ST6GAL1: variants seen among roughly 807,000 people sequenced by gnomAD.
ST6GAL1 encodes beta-galactoside alpha-2,6-sialyltransferase 1.
ST6GAL1 carries 20 observed loss-of-function variants against 38.0 expected under a neutral mutation model. That is an observed-to-expected ratio of 0.53 (90% confidence interval 0.37 to 0.77). The LOEUF is 0.77. Among genes scored for constraint, ST6GAL1 ranks in the 30% least tolerant of loss-of-function variants. ST6GAL1 has a pLI of 0.00. For missense variants in ST6GAL1, 432 were observed against 496.4 expected (o/e 0.87, Z 1.23); for synonymous variants, 196 against 188.2 (o/e 1.04, Z -0.34).
chr3:187,048,880 A>ATTTTTTTTTTTTTTTTTTTT (rs374148828), intron 4 of ST6GAL1, among the ~76,000 whole-genome samples: 9 of 115,450 alleles, frequency 7.8e-5, no homozygotes, highest in African/African-American at 3.0e-4. Context: ...GAGAAATTGA[A>ATTTTTTTTTTTTTTTTTTTT]TTTTTTTTTT....
intron 2 of ST6GAL1, among the ~76,000 whole-genome samples, chr3:187,030,499 T>C (rs1052552124): frequency 6.6e-6 from 1 of 152,188 alleles, no homozygotes; most frequent in Non-Finnish European, 1.5e-5. Flanking sequence ...AGTGGTGCAA[T>C]CTCAGCTCAC....
chr3:187,044,772 A>G lies in ST6GAL1; in HGVS notation c.607+1462A>G, dbSNP rs77026373. ...TAATTAGAACTACAGCTTTAATTTT[A>G]TGCACTCCTTAAAGATTTGGGGTGA... On this transcript the variant is annotated intron_variant, in intron 4 of 7. Coordinates refer to ENST00000169298, the MANE Select transcript of ST6GAL1 (RefSeq NM_173216.2). Among the ~76,000 whole-genome samples the G allele has an allele frequency of 2.9e-3, 435 of 152,316 alleles. 3 individuals are homozygous for G. Among genetic ancestry groups the G allele is most frequent in the African/African-American group, 9.8e-3 (406 of 41,578 alleles).
At chr3:187,047,237 G>A (rs960683987) in intron 4 of ST6GAL1, among the ~76,000 whole-genome samples, 8 of 147,484 alleles carry the variant, frequency 5.4e-5, no homozygotes, top group Non-Finnish European at 8.9e-5. Flanking sequence ...GAGCCACCGC[G>A]CCCGGCCAAG....
At position 186,952,661 on chromosome 3, in the gene ST6GAL1, G is replaced by A. The variant is rs1714622342; in HGVS notation, c.-324-11124G>A. 6.6e-6 allele frequency among the ~76,000 whole-genome samples: 1 copy of A among 152,052 alleles called. No individual in the cohort carries two copies. The highest frequency in any genetic ancestry group is 2.4e-5 in the African/African-American group (1 of 41,410). ...TCACTGTGGAGTGCCTCTGGGAGTG[G>A]CCCTTGGACTTGGCCTCTTCTCTGT... On this transcript the variant is annotated intron_variant, in intron 1 of 7. Coordinates refer to ENST00000169298, the MANE Select transcript of ST6GAL1 (RefSeq NM_173216.2). The surrounding 1 kb of genome is among the most constrained non-coding windows in gnomAD (Gnocchi z 4.1).
At chr3:187,062,218 G>A (rs1289800769) in intron 5 of ST6GAL1, among the ~76,000 whole-genome samples, 3 of 152,140 alleles carry the variant, frequency 2.0e-5, no homozygotes, top group Non-Finnish European at 2.9e-5. Context: ...ATCGGAATCC[G>A]TGGGCACTGT....
At chr3:186,941,255 A>G (rs899683313) in intron 1 of ST6GAL1, among the ~76,000 whole-genome samples, 5 of 152,084 alleles carry the variant, frequency 3.3e-5, no homozygotes, top group African/African-American at 9.7e-5. Context: ...GTAGGGAGGG[A>G]GGAGAGAGAA....
intron 2 of ST6GAL1, among the ~76,000 whole-genome samples, chr3:187,030,779 T>C (rs1255307854): frequency 1.3e-5 from 2 of 152,152 alleles, no homozygotes; most frequent in Non-Finnish European, 2.9e-5. Flanking sequence ...TTCATTAACT[T>C]TAATATATTT....
intron 2 of ST6GAL1, among the ~76,000 whole-genome samples, chr3:187,028,424 A>G (rs1717620810): frequency 6.6e-6 from 1 of 152,218 alleles, no homozygotes; most frequent in Non-Finnish European, 1.5e-5. Context: ...GTCTTGTTAC[A>G]TAGCTTAATT....
chr3:187,075,751 T>C lies in ST6GAL1; in HGVS notation c.1169T>C (p.Ile390Thr). 1 of 1,614,228 alleles carries C rather than the reference T, an allele frequency of 6.2e-7. No homozygotes were observed. Among genetic ancestry groups the C allele is most frequent in the Non-Finnish European group, 8.5e-7 (1 of 1,180,038 alleles). Residue 390 changes from isoleucine to threonine, a missense_variant, in exon 8 of 8, where the codon ATC (isoleucine) becomes ACC (threonine). Coordinates refer to ENST00000169298, the MANE Select transcript of ST6GAL1 (RefSeq NM_173216.2). The surrounding 1 kb of genome is among the most constrained non-coding windows in gnomAD (Gnocchi z 4.1). ...KHLNQGTDED[I>T]YLLGKATLPG... ...CTCAACCAGGGCACAGATGAGGACA[T>C]CTACCTGCTTGGAAAAGCCACACTG...
At chr3:187,009,945 C>T (rs1164144125) in intron 2 of ST6GAL1, among the ~76,000 whole-genome samples, 1 of 152,052 alleles carries the variant, frequency 6.6e-6, no homozygotes, top group Non-Finnish European at 1.5e-5. Flanking sequence ...TCGGAGGTTG[C>T]GGTGAGCCGA....
At chr3:187,030,988 T>C (rs1579339092) in intron 2 of ST6GAL1, among the ~76,000 whole-genome samples, 1 of 152,136 alleles carries the variant, frequency 6.6e-6, no homozygotes, top group Admixed American at 6.5e-5. Context: ...TGGGGAGGGA[T>C]GGTGTCAGGA....
chr3:186,970,270 A>G (rs62292610), intron 2 of ST6GAL1, among the ~76,000 whole-genome samples: 12,609 of 146,276 alleles, frequency 0.086, 727 homozygotes, highest in Non-Finnish European at 0.12. Context: ...GCTGGAGTGC[A>G]GTGGCGCGAT....
chr3:187,055,372 T>C (rs1718661715), intron 5 of ST6GAL1, among the ~76,000 whole-genome samples: 1 of 152,198 alleles, frequency 6.6e-6, no homozygotes, highest in African/African-American at 2.4e-5. Context: ...TACTCTTGCT[T>C]CTCTAGTTCT....
At position 186,946,134 on chromosome 3, in the gene ST6GAL1, C is replaced by T. The variant is rs1037299298; in HGVS notation, c.-325+15300C>T. ...CAGCCTAACCAACATGGTGAAACCC[C>T]GTCTCTACGAAAAATACAAAAATTA... is the stretch of plus-strand genomic sequence containing the variant. On this transcript the variant is annotated intron_variant, in intron 1 of 7. Transcript: ENST00000169298. Among the ~76,000 whole-genome samples, 13 of 152,044 alleles carry T rather than the reference C, an allele frequency of 8.6e-5. No individual in the cohort carries two copies. In the East Asian group the frequency reaches 9.7e-4, roughly 11 times the overall value.
At chr3:186,959,015 G>C (rs1274820669) in intron 1 of ST6GAL1, among the ~76,000 whole-genome samples, 1 of 151,326 alleles carries the variant, frequency 6.6e-6, no homozygotes, top group African/African-American at 2.4e-5. Flanking sequence ...AGTTAAAAAG[G>C]GCTCAGTGTC....
intron 1 of ST6GAL1, among the ~76,000 whole-genome samples, chr3:186,931,722 G>C (rs1029399235): frequency 3.3e-5 from 5 of 152,214 alleles, no homozygotes; most frequent in African/African-American, 1.2e-4. Flanking sequence ...CTTGCTCTTT[G>C]CCTCTGAGGC....
chr3:186,978,374 T>G (rs1034984823), intron 2 of ST6GAL1, among the ~76,000 whole-genome samples: 5 of 152,186 alleles, frequency 3.3e-5, no homozygotes, highest in Admixed American at 1.3e-4. Context: ...ACACATCATA[T>G]TTCTCTGACT....
chr3:186,935,753 C>T (rs184154901), intron 1 of ST6GAL1, among the ~76,000 whole-genome samples: 4 of 152,164 alleles, frequency 2.6e-5, no homozygotes, highest in Admixed American at 1.3e-4. Context: ...AGAATGACCC[C>T]GTAGGGTAAG....
chr3:187,042,328 G>C (rs1398810168), intron 3 of ST6GAL1, among the ~76,000 whole-genome samples: 1 of 152,106 alleles, frequency 6.6e-6, no homozygotes, highest in East Asian at 1.9e-4. Context: ...AGTGCAGTCA[G>C]AGAGGTAGAC....
Sources: allele counts gnomAD v4.1 joint callset (sites outside exome capture counted in the v4.1 genomes callset), GRCh38; gene constraint gnomAD v4.1.1; non-coding constraint Gnocchi (gnomAD v3.1); transcripts MANE v1.5; gene names NCBI Gene and HGNC (gene_info 2026-07-23, HGNC 2026-07-21).